Variants in THADA observed in about 807,000 individuals in gnomAD.
THADA encodes the protein THADA armadillo repeat containing.
THADA carries 213 observed loss-of-function variants against 219.8 expected under a neutral mutation model. That is an observed-to-expected ratio of 0.97 (90% confidence interval 0.87 to 1.09). The LOEUF (loss-of-function observed/expected upper bound fraction) is 1.09. THADA is among the 50% of genes least tolerant of loss of function. The probability of loss-of-function intolerance (pLI) is 0.00; values close to 1 mark genes in which losing one functional copy is unlikely to be tolerated. For missense variants in THADA, 2,956 were observed against 2,311.3 expected (o/e 1.28, Z -5.72); for synonymous variants, 1,018 against 828.9 (o/e 1.23, Z -3.92).
At chr2:43,489,894 A>AAAAAAAAAAAAAAAAAAAG (rs1687416604) in intron 25 of THADA, among the ~76,000 whole-genome samples, 1 of 150,320 alleles carries the variant, frequency 6.7e-6, no homozygotes, top group African/African-American at 2.4e-5. Flanking sequence ...AAAAAAAAAA[A>AAAAAAAAAAAAAAAAAAAG]GCTAGAAGGG....
intron 30 of THADA, among the ~76,000 whole-genome samples, chr2:43,337,182 G>A (rs1157681572): frequency 6.6e-6 from 1 of 152,268 alleles, no homozygotes; most frequent in Non-Finnish European, 1.5e-5. Context: ...GGCCTGAGCA[G>A]CACCCCAGGG....
At chr2:43,378,888 G>C (rs1275626101) in intron 29 of THADA, among the ~76,000 whole-genome samples, 1 of 152,176 alleles carries the variant, frequency 6.6e-6, no homozygotes, top group Non-Finnish European at 1.5e-5. Flanking sequence ...TTGCAGACGT[G>C]AGCCATCGCA....
chr2:43,430,002 C>G (rs1454597083), intron 27 of THADA, among the ~76,000 whole-genome samples: 1 of 152,042 alleles, frequency 6.6e-6, no homozygotes, highest in Non-Finnish European at 1.5e-5. Flanking sequence ...AACCCCATCT[C>G]TACAAAAAAT....
intron 26 of THADA, among the ~76,000 whole-genome samples, chr2:43,480,830 A>G (rs917050697): frequency 1.3e-5 from 2 of 151,862 alleles, no homozygotes; most frequent in Admixed American, 6.6e-5. Flanking sequence ...GGGGGAAAAA[A>G]AAAAAAAAGA....
At chr2:43,479,850 C>A (rs1685974961) in intron 26 of THADA, among the ~76,000 whole-genome samples, 1 of 152,170 alleles carries the variant, frequency 6.6e-6, no homozygotes, top group African/African-American at 2.4e-5. Context: ...AAATACACAT[C>A]CTTATTGTCT....
chr2:43,253,068 G>T (rs991315348), intron 36 of THADA, among the ~76,000 whole-genome samples: 1 of 152,064 alleles, frequency 6.6e-6, no homozygotes, highest in Non-Finnish European at 1.5e-5. Context: ...TCAAACTTCC[G>T]TCCCCCTCAA....
chr2:43,291,587 C>T (rs1674729831), intron 34 of THADA, 109 bp downstream of exon 34: 1 of 612,192 alleles, frequency 1.6e-6, no homozygotes, highest in African/African-American at 1.9e-5. Flanking sequence ...GTTACATACA[C>T]ATATCACAGG....
At chr2:43,501,608 T>A (rs550479930) in intron 24 of THADA, among the ~76,000 whole-genome samples, 1 of 152,238 alleles carries the variant, frequency 6.6e-6, no homozygotes, top group South Asian at 2.1e-4. Flanking sequence ...GAGATTCACC[T>A]TGCCAGATAT....
intron 24 of THADA, among the ~76,000 whole-genome samples, chr2:43,505,224 C>T (rs1325176016): frequency 2.6e-5 from 4 of 151,954 alleles, no homozygotes; most frequent in Non-Finnish European, 4.4e-5. Flanking sequence ...TATAAAATAT[C>T]TTATATAAGC....
Position 43,239,906 on chromosome 2 carries a change from GTATT to G in THADA, c.5297-7028_5297-7025del, listed in dbSNP as rs1022254378. Among the ~76,000 whole-genome samples, 17 of 152,302 alleles carry G rather than the reference GTATT, an allele frequency of 1.1e-4. No homozygotes were observed. In the East Asian group the frequency reaches 1.2e-3, roughly 10 times the overall value. Reference sequence around the variant, plus strand: ...AATCTGATATTTTATCTACCCACAAGTATTTATTGATCACCTGTGTGTGGAGGAC... The same window carrying G: ...AATCTGATATTTTATCTACCCACAAGTATTGATCACCTGTGTGTGGAGGAC... On this transcript the variant is annotated intron_variant, in intron 36 of 37. Transcript: ENST00000405975.
chr2:43,405,307 G>T (rs1388579870), intron 28 of THADA, among the ~76,000 whole-genome samples: 3 of 152,196 alleles, frequency 2.0e-5, no homozygotes, highest in Non-Finnish European at 4.4e-5. Flanking sequence ...ACGTGTGCAT[G>T]CATAAAAGAG....
chr2:43,577,509 CT>C (rs572370994), intron 9 of THADA, among the ~76,000 whole-genome samples: 129 of 143,978 alleles, frequency 9.0e-4, no homozygotes, highest in South Asian at 1.8e-3. Flanking sequence ...TTAACAACTG[CT>C]TTTTTTTTTT....
At chr2:43,271,271 G>T (rs1572857813) in intron 36 of THADA, among the ~76,000 whole-genome samples, 1 of 152,212 alleles carries the variant, frequency 6.6e-6, no homozygotes, top group African/African-American at 2.4e-5. Flanking sequence ...ATTTTCTACA[G>T]TGGCCAGTCT....
intron 15 of THADA, chr2:43,566,129 A>T: frequency 3.9e-6 from 1 of 253,296 alleles, no homozygotes; most frequent in Non-Finnish European, 7.1e-6. Flanking sequence ...AAAAGGAAAA[A>T]ATGAAACAAA....
chr2:43,349,261 C>T (rs927004972), intron 29 of THADA, among the ~76,000 whole-genome samples: 3 of 152,124 alleles, frequency 2.0e-5, no homozygotes, highest in African/African-American at 7.2e-5. Flanking sequence ...TTGAGGGGAA[C>T]TGAGAAGTCT....
intron 10 of THADA, among the ~76,000 whole-genome samples, chr2:43,575,856 T>C (rs945143934): frequency 6.6e-6 from 1 of 152,100 alleles, no homozygotes; most frequent in African/African-American, 2.4e-5. Flanking sequence ...ATTTAAAAGA[T>C]AAGGAAAGCC....
intron 31 of THADA, among the ~76,000 whole-genome samples, chr2:43,298,910 C>T (rs1264016689): frequency 2.0e-5 from 3 of 152,134 alleles, no homozygotes; most frequent in Non-Finnish European, 2.9e-5. Flanking sequence ...ATTTCCTAAG[C>T]ATATACAGGT....
intron 14 of THADA, among the ~76,000 whole-genome samples, chr2:43,569,282 T>C (rs1261793343): frequency 6.6e-6 from 1 of 152,228 alleles, no homozygotes; most frequent in Non-Finnish European, 1.5e-5. Context: ...TCGCTTTTAA[T>C]GACTCCCAGC....
chr2:43,554,009 TAGACA>T (rs748270231), intron 17 of THADA, among the ~76,000 whole-genome samples: 4 of 152,222 alleles, frequency 2.6e-5, no homozygotes, highest in South Asian at 4.1e-4. Context: ...TTATATATAC[TAGACA>T]AAAGTCCCTT....
Sources: allele counts gnomAD v4.1 joint callset (sites outside exome capture counted in the v4.1 genomes callset), GRCh38; gene constraint gnomAD v4.1.1; transcripts MANE v1.5; gene names NCBI Gene and HGNC (gene_info 2026-07-23, HGNC 2026-07-21).